Variants in ATG7 observed in about 807,000 individuals in gnomAD.
ATG7 encodes the protein autophagy related 7.
A neutral mutation model predicts 82.4 loss-of-function variants in ATG7; 70 were observed. The observed-to-expected ratio is 0.85, with a 90% confidence interval of 0.70 to 1.04. The LOEUF is 1.04. ATG7 is among the 50% of genes least tolerant of loss of function. The pLI, the probability that ATG7 is intolerant of heterozygous loss-of-function variation, is 0.00. For missense variants in ATG7, 792 were observed against 864.3 expected, an observed-to-expected ratio of 0.92 and a Z score of 1.05; for synonymous variants, 287 against 313.0, an observed-to-expected ratio of 0.92 and a Z score of 0.88.
intron 19 of ATG7, among the ~76,000 whole-genome samples, chr3:11,417,674 T>G (rs563923840): frequency 6.6e-6 from 1 of 152,108 alleles, no homozygotes; most frequent in South Asian, 2.1e-4. Context: ...ATAATTGGAT[T>G]AATATCTGCC....
intron 13 of ATG7, 116 bp downstream of exon 13, chr3:11,342,395 C>T: frequency 7.7e-7 from 1 of 1,292,530 alleles, no homozygotes; most frequent in South Asian, 1.6e-5. Context: ...TCTCTCCCTC[C>T]CTTCCTTTTT....
chr3:11,412,513 A>G (rs1313437881), intron 19 of ATG7, among the ~76,000 whole-genome samples: 1 of 152,070 alleles, frequency 6.6e-6, no homozygotes, highest in Non-Finnish European at 1.5e-5. Flanking sequence ...TGGTCTATGA[A>G]TATGTCTTGT....
the ATG7 span, chr3:11,568,525 TCAGA>T: frequency 6.1e-5 from 94 of 1,535,918 alleles, no homozygotes; most frequent in South Asian, 3.2e-4. The surrounding 1 kb of genome is among the most constrained non-coding windows in gnomAD (Gnocchi z 5.9). Flanking sequence ...GCACTATGGG[TCAGA>T]CAAAGACACT....
At chr3:11,384,140 C>T (rs1575918924) in intron 19 of ATG7, among the ~76,000 whole-genome samples, 2 of 152,206 alleles carry the variant, frequency 1.3e-5, no homozygotes, top group East Asian at 3.8e-4. Context: ...AACCTTGTTT[C>T]TGGTACCCAG....
At chr3:11,275,643 C>T (rs1012277691) in intron 1 of ATG7, among the ~76,000 whole-genome samples, 1 of 151,840 alleles carries the variant, frequency 6.6e-6, no homozygotes, top group Admixed American at 6.6e-5. Context: ...CAGGCGTGAG[C>T]CACCGCTTCC....
At position 11,298,839 on chromosome 3, in the gene ATG7, G is replaced by A; in HGVS notation, c.144G>A (p.Lys48=). The A allele has an allele frequency of 6.2e-7, 1 of 1,614,042 alleles. No homozygotes were observed. The highest frequency in any genetic ancestry group is 8.5e-7 in the Non-Finnish European group (1 of 1,179,944). The part of the protein sequence containing the change: ...YRLDEAPKDI[K]GYYYNGDSAG... ...TGGATGAAGCTCCCAAGGACATTAA[G>A]GGTTATTACTACAATGGTAGGTGAT... The change falls in exon 4 of 21, where the codon AAG becomes AAA. Residue 48 remains lysine, a synonymous_variant. Coordinates refer to ENST00000693202, the MANE Select transcript of ATG7 (RefSeq NM_001349232.2).
At chr3:11,511,754 T>C (rs1011514247) in intron 20 of ATG7, among the ~76,000 whole-genome samples, 2 of 152,156 alleles carry the variant, frequency 1.3e-5, no homozygotes, top group Non-Finnish European at 2.9e-5. Flanking sequence ...GGAAGGCAGC[T>C]AAGGCCCAGC....
chr3:11,335,122 A>G lies in ATG7; in HGVS notation c.889+2029A>G, dbSNP rs1026418076. ...ATTGACAGAGTACTTCTGCTTGATC[A>G]AAGGACGATGCTGCTTTTCAGTTTA... is the stretch of plus-strand genomic sequence containing the variant. On this transcript the variant is annotated intron_variant, in intron 11 of 20. Transcript: ENST00000693202. Among the ~76,000 whole-genome samples, 9 of 152,026 alleles carry G rather than the reference A, an allele frequency of 5.9e-5. No homozygotes were observed. In the South Asian group the frequency reaches 6.2e-4, roughly 11 times the overall value.
At chr3:11,544,270 C>T (rs756626526) in intron 20 of ATG7, among the ~76,000 whole-genome samples, 3 of 152,204 alleles carry the variant, frequency 2.0e-5, no homozygotes, top group Non-Finnish European at 2.9e-5. Flanking sequence ...CTTCACCCGG[C>T]AGCACTTCCC....
the ATG7 span, among the ~76,000 whole-genome samples, chr3:11,575,535 G>C: frequency 3.3e-5 from 5 of 152,182 alleles, no homozygotes; most frequent in African/African-American, 1.2e-4. Flanking sequence ...TCGGTCCTCA[G>C]ATCTGTGCAA....
intron 20 of ATG7, among the ~76,000 whole-genome samples, chr3:11,554,086 C>A (rs1339416101): frequency 6.6e-6 from 1 of 152,180 alleles, no homozygotes; most frequent in Non-Finnish European, 1.5e-5. Context: ...AATGAATGGG[C>A]CTGGGCCCAT....
chr3:11,465,242 C>T (rs1328425941), intron 20 of ATG7, among the ~76,000 whole-genome samples: 1 of 151,208 alleles, frequency 6.6e-6, no homozygotes, highest in South Asian at 2.1e-4. Context: ...GGATCCAGAT[C>T]GAGACCATCC....
chr3:11,296,778 A>G (rs1018651784), intron 3 of ATG7, among the ~76,000 whole-genome samples: 6 of 151,218 alleles, frequency 4.0e-5, no homozygotes, highest in African/African-American at 1.5e-4. Context: ...CCCTCCACCC[A>G]TCTTCCCCCA....
At chr3:11,280,051 T>C (rs1318741700) in intron 1 of ATG7, among the ~76,000 whole-genome samples, 1 of 150,250 alleles carries the variant, frequency 6.7e-6, no homozygotes, top group Non-Finnish European at 1.5e-5. Context: ...TCTTTTCTTT[T>C]CTTTTTTTTT....
At chr3:11,453,095 T>G (rs933866716) in intron 20 of ATG7, among the ~76,000 whole-genome samples, 3 of 152,140 alleles carry the variant, frequency 2.0e-5, no homozygotes, top group Admixed American at 1.3e-4. Context: ...CCACCACGCC[T>G]TTAGAGAGGC....
intron 1 of ATG7, among the ~76,000 whole-genome samples, chr3:11,276,991 A>G (rs114471034): frequency 8.4e-4 from 128 of 152,194 alleles, no homozygotes; most frequent in African/African-American, 2.9e-3. Context: ...CCTTTCATTT[A>G]GTCATCCAAA....
intron 20 of ATG7, among the ~76,000 whole-genome samples, chr3:11,443,912 T>C (rs1374973180): frequency 2.0e-5 from 3 of 152,178 alleles, no homozygotes; most frequent in Non-Finnish European, 2.9e-5. Context: ...AAAAATACTC[T>C]CGTTGCCCTT....
intron 20 of ATG7, among the ~76,000 whole-genome samples, chr3:11,498,724 T>G (rs557686936): frequency 7.4e-4 from 112 of 152,328 alleles, no homozygotes; most frequent in African/African-American, 2.6e-3. Context: ...CCCCTTCTAA[T>G]TGCTCTTTCT....
At chr3:11,572,786 G>A in the ATG7 span, among the ~76,000 whole-genome samples, 1 of 152,100 alleles carries the variant, frequency 6.6e-6, no homozygotes, top group African/African-American at 2.4e-5. Context: ...CTGCTCTGTG[G>A]TATTCTTCCA....
Sources: gnomAD v4.1 joint callset for allele counts (sites outside exome capture counted in the v4.1 genomes callset) on GRCh38, gnomAD v4.1.1 for gene constraint, Gnocchi (gnomAD v3.1) non-coding constraint, MANE v1.5 for transcripts, NCBI Gene and HGNC (gene_info 2026-07-23, HGNC 2026-07-21) for gene names.